CFAP58: variants seen among roughly 807,000 people sequenced by gnomAD.
CFAP58 encodes the protein cilia and flagella associated protein 58.
Under a neutral mutation model 119.5 loss-of-function variants are expected in CFAP58, and 88 were observed. The observed-to-expected ratio is 0.74, with a 90% confidence interval of 0.62 to 0.88. The LOEUF (loss-of-function observed/expected upper bound fraction) is 0.88, where lower values mean the gene tolerates loss of function less well. CFAP58 is among the 40% of genes least tolerant of loss of function. The pLI is 0.00. For missense variants in CFAP58, 990 were observed against 1,021.2 expected (o/e 0.97, Z 0.42); for synonymous variants, 365 against 366.3 (o/e 1.00, Z 0.04).
intron 1 of CFAP58, among the ~76,000 whole-genome samples, chr10:104,355,853 T>C (rs1327376635): frequency 6.6e-6 from 1 of 152,256 alleles, no homozygotes; most frequent in Non-Finnish European, 1.5e-5. Context: ...TTTAAAACTT[T>C]TCCTTCTTTG....
chr10:104,428,233 C>T (rs968122086), intron 15 of CFAP58, among the ~76,000 whole-genome samples: 2 of 151,956 alleles, frequency 1.3e-5, no homozygotes, highest in Non-Finnish European at 2.9e-5. Flanking sequence ...GAAGCATAAC[C>T]GAGGGAAGCA....
chr10:104,358,028 T>TACAC (rs1358916300), intron 1 of CFAP58, among the ~76,000 whole-genome samples: 3 of 133,652 alleles, frequency 2.2e-5, no homozygotes, highest in African/African-American at 9.1e-5. Flanking sequence ...TACATATATA[T>TACAC]ACATATGTAC....
intron 15 of CFAP58, among the ~76,000 whole-genome samples, chr10:104,407,622 A>G (rs141926532): frequency 9.6e-4 from 146 of 152,342 alleles, no homozygotes; most frequent in African/African-American, 3.4e-3. Context: ...AGGGTTTAGT[A>G]TTATCCATGG....
intron 9 of CFAP58, chr10:104,382,313 G>A: frequency 1.5e-6 from 1 of 649,384 alleles, no homozygotes; most frequent in Non-Finnish European, 2.9e-6. Context: ...TCCTTAGGGA[G>A]GGGCCCTGTA....
At chr10:104,381,059 A>T (rs1564885987) in intron 9 of CFAP58, among the ~76,000 whole-genome samples, 1 of 152,166 alleles carries the variant, frequency 6.6e-6, no homozygotes, top group Admixed American at 6.5e-5. Context: ...CTGCGGTAGG[A>T]GGAACGCTTG....
At chr10:104,368,685 C>G (rs1054949490) in intron 6 of CFAP58, 125 bp downstream of exon 6, 4 of 975,154 alleles carry the variant, frequency 4.1e-6, no homozygotes, top group Non-Finnish European at 3.1e-6. Flanking sequence ...ACATCAGAGG[C>G]AGGTGCAAGC....
chr10:104,364,742 T>C lies in CFAP58; in HGVS notation c.450T>C (p.Asp150=), dbSNP rs761366192. ...LSMDQHSNIR[D]LLRFKEEVTK... is the part of the protein sequence containing the mutation. ...TGTTCTTCCTTTTTAGCATCCGAGA[T>C]TTACTGAGGTTCAAAGAAGAAGTGA... Residue 150 remains aspartate, a synonymous_variant, in exon 4 of 18, where the codon GAT becomes GAC. Transcript: ENST00000369704. 2 of 1,611,744 alleles carry C rather than the reference T, an allele frequency of 1.2e-6. No individual in the cohort carries two copies. The highest frequency in any genetic ancestry group is 3.4e-5 in the Admixed American group (2 of 59,658).
intron 15 of CFAP58, among the ~76,000 whole-genome samples, chr10:104,431,239 A>G (rs372729481): frequency 2.6e-5 from 4 of 152,262 alleles, no homozygotes; most frequent in East Asian, 1.9e-4. Context: ...CTAGGGATAC[A>G]GAAAGACACA....
intron 13 of CFAP58, among the ~76,000 whole-genome samples, chr10:104,401,816 A>G (rs2012271241): frequency 6.6e-6 from 1 of 151,696 alleles, no homozygotes; most frequent in Non-Finnish European, 1.5e-5. Flanking sequence ...GTACAAATTC[A>G]TTGTAGAAAA....
intron 9 of CFAP58, among the ~76,000 whole-genome samples, chr10:104,389,168 T>C (rs771705466): frequency 6.6e-6 from 1 of 152,202 alleles, no homozygotes; most frequent in Non-Finnish European, 1.5e-5. Flanking sequence ...ATGATTTCCA[T>C]AAAAATAAAC....
intron 15 of CFAP58, among the ~76,000 whole-genome samples, chr10:104,411,071 C>G (rs1486119391): frequency 6.6e-6 from 1 of 152,126 alleles, no homozygotes; most frequent in African/African-American, 2.4e-5. Context: ...TCCTGAGTAG[C>G]TGGGATTACA....
chr10:104,359,716 G>A (rs1460378955), intron 2 of CFAP58, among the ~76,000 whole-genome samples: 4 of 152,196 alleles, frequency 2.6e-5, no homozygotes, highest in African/African-American at 7.2e-5. Flanking sequence ...AGAATCACTT[G>A]AACCAGGAGG....
intron 6 of CFAP58, among the ~76,000 whole-genome samples, chr10:104,368,996 A>C (rs924194178): frequency 6.6e-6 from 1 of 152,150 alleles, no homozygotes; most frequent in African/African-American, 2.4e-5. Context: ...CATGATTTTC[A>C]CTTCTGTCCA....
intron 15 of CFAP58, among the ~76,000 whole-genome samples, chr10:104,433,831 A>G (rs2012888839): frequency 6.6e-6 from 1 of 152,218 alleles, no homozygotes; most frequent in Non-Finnish European, 1.5e-5. Flanking sequence ...TTTCATTGCT[A>G]CATTGCATTT....
chr10:104,358,064 T>G (rs111506787), intron 1 of CFAP58, among the ~76,000 whole-genome samples: 35 of 144,742 alleles, frequency 2.4e-4, no homozygotes, highest in Middle Eastern at 3.9e-3. Context: ...TGTACATATA[T>G]ACACATATGT....
chr10:104,424,814 C>G (rs1301811779), intron 15 of CFAP58, among the ~76,000 whole-genome samples: 1 of 152,136 alleles, frequency 6.6e-6, no homozygotes, highest in African/African-American at 2.4e-5. Context: ...AGAATAAGAG[C>G]AGGGGAGATG....
At chr10:104,401,119 C>T (rs938089403) in intron 13 of CFAP58, among the ~76,000 whole-genome samples, 5 of 152,012 alleles carry the variant, frequency 3.3e-5, no homozygotes, top group Admixed American at 6.6e-5. Context: ...AGCTTCCTTT[C>T]GGGGGGGTAA....
chr10:104,365,363 A>G (rs888746707), intron 4 of CFAP58, among the ~76,000 whole-genome samples: 2 of 152,228 alleles, frequency 1.3e-5, no homozygotes, highest in Admixed American at 1.3e-4. Flanking sequence ...ATGAGATAAG[A>G]AAAAGGCTTT....
chr10:104,353,146 G>C (rs1390634717), upstream of CFAP58: 1 of 152,218 alleles, frequency 6.6e-6, no homozygotes, highest in Non-Finnish European at 1.5e-5. Flanking sequence ...GGAGGCAGAA[G>C]GGGGAGAAGA....
Sources: allele counts gnomAD v4.1 joint callset (sites outside exome capture counted in the v4.1 genomes callset), GRCh38; gene constraint gnomAD v4.1.1; transcripts MANE v1.5; gene names NCBI Gene and HGNC (gene_info 2026-07-23, HGNC 2026-07-21).